Variants in POLA1 observed in about 807,000 individuals in gnomAD.
POLA1 encodes the protein DNA polymerase alpha catalytic subunit.
Under a neutral mutation model 124.0 loss-of-function variants are expected in POLA1, and 15 were observed. That is an observed-to-expected ratio of 0.12 (90% confidence interval 0.08 to 0.19). The LOEUF is 0.19. POLA1 is among the 10% of genes least tolerant of loss of function. The pLI is 1.00. For synonymous variants in POLA1, 408 were observed against 389.4 expected, an observed-to-expected ratio of 1.05 and a Z score of -0.56; for missense variants, 886 against 1,103.4, an observed-to-expected ratio of 0.80 and a Z score of 2.79.
chrX:24,954,833 G>A (rs1023495233), intron 36 of POLA1, among the ~76,000 whole-genome samples: 4 of 111,824 alleles, frequency 3.6e-5, no homozygotes, highest in African/African-American at 9.8e-5. Context: ...GGTTAAATGA[G>A]CTATTCTTTT....
intron 36 of POLA1, among the ~76,000 whole-genome samples, chrX:24,958,025 C>T (rs1177774186): frequency 2.7e-5 from 3 of 110,392 alleles, no homozygotes; most frequent in Admixed American, 9.7e-5. Context: ...TCTCACCCCA[C>T]GACTGAGAAC....
At chrX:24,881,062 C>T (rs191858913) in intron 34 of POLA1, among the ~76,000 whole-genome samples, 63 of 111,879 alleles carry the variant, frequency 5.6e-4, no homozygotes, top group South Asian at 4.2e-3. Flanking sequence ...GCCTCCTCTT[C>T]CCCTGCTGCC....
At chrX:24,941,072 T>G in intron 36 of POLA1, among the ~76,000 whole-genome samples, 1 of 112,107 alleles carries the variant, frequency 8.9e-6, no homozygotes, top group East Asian at 2.8e-4. Flanking sequence ...ATTTAATGTC[T>G]TAATCATTTC....
intron 34 of POLA1, among the ~76,000 whole-genome samples, chrX:24,855,519 C>T (rs1026709349): frequency 2.7e-5 from 3 of 111,628 alleles, no homozygotes; most frequent in African/African-American, 9.8e-5. Context: ...TGGGTAGGTA[C>T]ATGATCTGTG....
At chrX:24,969,866 T>A (rs1460906895) in intron 36 of POLA1, among the ~76,000 whole-genome samples, 1 of 110,792 alleles carries the variant, frequency 9.0e-6, no homozygotes, top group African/African-American at 3.3e-5. Flanking sequence ...TTCTTCCCAA[T>A]GTGGCCATGT....
At chrX:24,977,006 T>TG (rs1455619451) in intron 36 of POLA1, among the ~76,000 whole-genome samples, 1 of 112,523 alleles carries the variant, frequency 8.9e-6, no homozygotes, top group Non-Finnish European at 1.9e-5. Flanking sequence ...TTTCTAAACC[T>TG]GCTCTTAAAT....
intron 34 of POLA1, among the ~76,000 whole-genome samples, chrX:24,854,079 T>C (rs926316838): frequency 1.8e-5 from 2 of 111,651 alleles, no homozygotes; most frequent in African/African-American, 6.5e-5. Flanking sequence ...GGAGTCTCAC[T>C]CTGTCCCCCA....
At chrX:24,754,772 A>G (rs755994443) in intron 26 of POLA1, among the ~76,000 whole-genome samples, 2 of 111,801 alleles carry the variant, frequency 1.8e-5, no homozygotes, top group Non-Finnish European at 3.8e-5. Context: ...TTTACCATGT[A>G]TGTGTCATGC....
intron 19 of POLA1, among the ~76,000 whole-genome samples, chrX:24,739,163 T>C (rs185127809): frequency 8.9e-6 from 1 of 112,143 alleles, no homozygotes; most frequent in Non-Finnish European, 1.9e-5. Flanking sequence ...ACATTTCAAA[T>C]GAGGCCAGGA....
At chrX:24,974,865 G>A (rs749482591) in intron 36 of POLA1, among the ~76,000 whole-genome samples, 24 of 112,592 alleles carry the variant, frequency 2.1e-4, no homozygotes, top group African/African-American at 7.4e-4. Context: ...CTGTGTGAGC[G>A]TGAGCTGGTG....
At chrX:24,768,557 T>G (rs762014820) in intron 26 of POLA1, among the ~76,000 whole-genome samples, 12 of 112,276 alleles carry the variant, frequency 1.1e-4, no homozygotes, top group African/African-American at 3.6e-4. Context: ...TTCAGTAATC[T>G]TTGCTTGATG....
At chrX:24,815,579 T>A (rs1279519329) in intron 30 of POLA1, among the ~76,000 whole-genome samples, 2 of 111,979 alleles carry the variant, frequency 1.8e-5, no homozygotes, top group African/African-American at 6.5e-5. Context: ...AGGGACAGTC[T>A]TAGTTGTTGA....
intron 36 of POLA1, among the ~76,000 whole-genome samples, chrX:24,969,958 G>A (rs752726895): frequency 5.3e-5 from 6 of 112,210 alleles, no homozygotes; most frequent in East Asian, 2.8e-4. Flanking sequence ...GCTGAAGATC[G>A]TGGCTTGCAA....
chrX:24,936,826 C>T (rs751789000), intron 36 of POLA1, among the ~76,000 whole-genome samples: 132 of 112,128 alleles, frequency 1.2e-3, no homozygotes, highest in African/African-American at 3.7e-3. Flanking sequence ...CCACCGTGCC[C>T]GGCCTGGTTG....
At chrX:24,814,197 A>G (rs1376185444) in intron 29 of POLA1, among the ~76,000 whole-genome samples, 1 of 112,526 alleles carries the variant, frequency 8.9e-6, no homozygotes, top group Non-Finnish European at 1.9e-5. Context: ...CTAAGAAAAG[A>G]CGCATCATAA....
At chrX:24,919,413 T>A (rs1194965103) in intron 35 of POLA1, among the ~76,000 whole-genome samples, 1 of 111,374 alleles carries the variant, frequency 9.0e-6, no homozygotes, top group Non-Finnish European at 1.9e-5. Context: ...TCATTCAGTC[T>A]TCGTAACAGT....
At chrX:24,918,662 G>C (rs907593296) in intron 35 of POLA1, among the ~76,000 whole-genome samples, 25 of 111,603 alleles carry the variant, frequency 2.2e-4, no homozygotes, top group African/African-American at 7.5e-4. Flanking sequence ...GAGTCTGGGT[G>C]ATTTATTAAA....
intron 30 of POLA1, 109 bp downstream of exon 30, chrX:24,815,220 T>G: frequency 1.4e-6 from 1 of 711,780 alleles, no homozygotes; most frequent in Non-Finnish European, 2.1e-6. Context: ...TTCTAGCTGG[T>G]GATGAAAGCT....
At chrX:24,849,246 A>G (rs1031425430) in intron 34 of POLA1, among the ~76,000 whole-genome samples, 44 of 112,946 alleles carry the variant, frequency 3.9e-4, no homozygotes, top group African/African-American at 1.3e-3. Flanking sequence ...ATTCAACATC[A>G]CAGGCAGCCC....
Sources: gnomAD v4.1 joint callset for allele counts (sites outside exome capture counted in the v4.1 genomes callset) on GRCh38, gnomAD v4.1.1 for gene constraint, MANE v1.5 for transcripts, NCBI Gene and HGNC (gene_info 2026-07-23, HGNC 2026-07-21) for gene names.